The following SLC38A6 variants were observed in gnomAD, a reference collection of about 807,000 sequenced individuals.
The protein encoded by SLC38A6 is solute carrier family 38 member 6.
SLC38A6 carries 73 observed loss-of-function variants against 65.0 expected under a neutral mutation model. The observed-to-expected ratio is 1.12, with a 90% CI of 0.93 to 1.37. The LOEUF is 1.37. SLC38A6 is among the 40% of genes most tolerant of loss of function. The pLI, the probability that SLC38A6 is intolerant of heterozygous loss-of-function variation, is 0.00. For missense variants in SLC38A6, 561 were observed against 531.1 expected, an observed-to-expected ratio of 1.06 and a Z score of -0.55; for synonymous variants, 183 against 178.8, an observed-to-expected ratio of 1.02 and a Z score of -0.19.
intron 5 of SLC38A6, among the ~76,000 whole-genome samples, chr14:61,025,404 G>A (rs757058410): frequency 4.6e-5 from 7 of 152,048 alleles, no homozygotes; most frequent in Non-Finnish European, 1.0e-4. Context: ...CTAGGATTGG[G>A]CGCGCAGATA....
chr14:60,984,569 G>A (rs987491745), intron 2 of SLC38A6, among the ~76,000 whole-genome samples, 161 bp from the exon 3 acceptor site: 1 of 151,988 alleles, frequency 6.6e-6, no homozygotes, highest in African/African-American at 2.4e-5. Context: ...ATACAAAAAA[G>A]TAGAAAAGTA....
At chr14:60,992,574 G>C (rs528511464) in intron 3 of SLC38A6, among the ~76,000 whole-genome samples, 1 of 152,024 alleles carries the variant, frequency 6.6e-6, no homozygotes, top group Non-Finnish European at 1.5e-5. Context: ...TTTAAATAGT[G>C]CTGGGTAATC....
chr14:61,042,805 C>T (rs778390039), intron 8 of SLC38A6, among the ~76,000 whole-genome samples: 84 of 152,274 alleles, frequency 5.5e-4, no homozygotes, highest in Admixed American at 1.6e-3. Context: ...CTACAAATAA[C>T]CATATTCCTG....
Position 61,013,398 on chromosome 14 carries a change from T to G in SLC38A6, c.311-2506T>G, listed in dbSNP as rs111583124. ...AGCCCATATACATTTAAGGTTAGTA[T>G]TGTTATGTGTGAATTTGATCCTGTC... is the stretch of plus-strand genomic sequence containing the variant. On this transcript the variant is annotated intron_variant, in intron 3 of 15. Transcript: ENST00000267488. 8.5e-3 allele frequency among the ~76,000 whole-genome samples: 1,301 copies of G among 152,310 alleles called. 22 individuals are homozygous for G. The highest frequency in any genetic ancestry group is 0.03 in the African/African-American group (1,228 of 41,546).
rs560800166 is a variant in SLC38A6 at position 61,065,605 on chromosome 14, T to C, written c.1291-13205T>C. On this transcript the variant is annotated intron_variant, in intron 15 of 16. Coordinates refer to the SLC38A6 transcript ENST00000354886. ...CAGTTGAAAAAGAGACATTTCTTTC[T>C]CAATGTGTCCTTTAAACCAGTTCTA... 3.3e-5 allele frequency among the ~76,000 whole-genome samples: 5 copies of C among 152,352 alleles called. No individual in the cohort carries two copies. The South Asian group carries it at 1.0e-3, about 32-fold the overall frequency.
intron 15 of SLC38A6, among the ~76,000 whole-genome samples, chr14:61,067,009 A>G (rs533508034): frequency 5.5e-4 from 84 of 152,346 alleles, no homozygotes; most frequent in Non-Finnish European, 1.1e-3. Flanking sequence ...AAAAAAGTTC[A>G]GATACAACTT....
chr14:61,037,068 T>A lies in SLC38A6; in HGVS notation c.492T>A (p.Tyr164Ter). 1.2e-6 allele frequency: 2 copies of A among 1,612,226 alleles called. No individual in the cohort carries two copies. Among genetic ancestry groups the A allele is most frequent in the Non-Finnish European group, 1.7e-6 (2 of 1,179,302 alleles). The change falls in exon 7 of 16, where the codon TAT becomes TAA. Residue 164 changes from tyrosine to a stop codon, truncating the protein, a stop_gained. Transcript: ENST00000267488. LOFTEE classifies it high-confidence loss of function. Reference protein sequence around the residue: ...FLTGDYSRYWYLDGQTLLIII... With the variant: ...FLTGDYSRYW ...ACTTTTTTTATAATAGATATTGGTA[T>A]CTTGATGGACAAACACTACTAATAA... is the stretch of plus-strand genomic sequence containing the variant.
intron 7 of SLC38A6, among the ~76,000 whole-genome samples, chr14:61,037,392 A>G (rs983102106): frequency 5.9e-5 from 9 of 152,182 alleles, no homozygotes; most frequent in African/African-American, 2.2e-4. Context: ...ACAGCGGAAC[A>G]TTAAAGAGCA....
At chr14:61,014,538 A>G (rs866651521) in intron 3 of SLC38A6, among the ~76,000 whole-genome samples, 3 of 151,934 alleles carry the variant, frequency 2.0e-5, no homozygotes, top group Non-Finnish European at 4.4e-5. Context: ...GTCTTTGATG[A>G]TGGTGACGTA....
intron 15 of SLC38A6, among the ~76,000 whole-genome samples, chr14:61,062,183 A>G (rs1426130027): frequency 1.3e-5 from 2 of 152,216 alleles, no homozygotes; most frequent in East Asian, 1.9e-4. Flanking sequence ...AGTAAATACC[A>G]TGGAGCACAG....
chr14:61,009,838 A>G (rs1230141558), intron 3 of SLC38A6, among the ~76,000 whole-genome samples: 1 of 152,186 alleles, frequency 6.6e-6, no homozygotes, highest in African/African-American at 2.4e-5. Context: ...GCCACAGTAA[A>G]CATACGTGTG....
intron 3 of SLC38A6, among the ~76,000 whole-genome samples, chr14:61,001,183 G>T (rs1362265648): frequency 2.6e-5 from 4 of 152,170 alleles, no homozygotes; most frequent in Non-Finnish European, 5.9e-5. Flanking sequence ...GGAGGGCAGG[G>T]TGAGGCAAGG....
At chr14:60,985,281 G>A (rs763327597) in intron 3 of SLC38A6, among the ~76,000 whole-genome samples, 6 of 152,198 alleles carry the variant, frequency 3.9e-5, no homozygotes, top group African/African-American at 1.2e-4. Flanking sequence ...TTAATTGCAA[G>A]TCTAGAATAG....
chr14:61,029,576 A>G (rs1377055087), intron 5 of SLC38A6, among the ~76,000 whole-genome samples: 2 of 152,326 alleles, frequency 1.3e-5, no homozygotes, highest in Non-Finnish European at 2.9e-5. Flanking sequence ...GTATTTACAT[A>G]TGAATGAGTT....
chr14:61,022,935 A>G (rs75899410), intron 5 of SLC38A6, among the ~76,000 whole-genome samples: 5,992 of 152,266 alleles, frequency 0.039, 159 homozygotes, highest in African/African-American at 0.077. Flanking sequence ...TCTTTCTGCT[A>G]TGATATAGCA....
intron 12 of SLC38A6, among the ~76,000 whole-genome samples, chr14:61,047,443 G>A (rs2042220488): frequency 6.6e-6 from 1 of 152,066 alleles, no homozygotes; most frequent in African/African-American, 2.4e-5. Context: ...CTCAGTGTAG[G>A]TTCATTTAGG....
intron 10 of SLC38A6, among the ~76,000 whole-genome samples, chr14:61,044,064 G>C (rs2041982110): frequency 6.6e-6 from 1 of 152,116 alleles, no homozygotes; most frequent in Non-Finnish European, 1.5e-5. Context: ...GCCTGTAAGA[G>C]CCCCTGAGCA....
intron 12 of SLC38A6, among the ~76,000 whole-genome samples, chr14:61,047,997 A>G (rs1234455327): frequency 6.7e-6 from 1 of 149,424 alleles, no homozygotes; most frequent in Non-Finnish European, 1.5e-5. Context: ...ATACATACAT[A>G]CATACATACA....
chr14:61,034,136 A>T (rs543000151), intron 6 of SLC38A6: 93 of 152,288 alleles, frequency 6.1e-4, no homozygotes, highest in African/African-American at 2.1e-3. Context: ...TCAGTCCCAC[A>T]GTTCAGTGCT....
Sources: allele counts gnomAD v4.1 joint callset (sites outside exome capture counted in the v4.1 genomes callset), GRCh38; gene constraint gnomAD v4.1.1; transcripts MANE v1.5; gene names NCBI Gene and HGNC (gene_info 2026-07-23, HGNC 2026-07-21).